Variants in CFAP92 observed in about 807,000 individuals in gnomAD.
CFAP92 encodes cilia and flagella associated protein 92 (putative), also known as uncharacterized protein CFAP92.
Under a neutral mutation model 106.3 loss-of-function variants are expected in CFAP92, and 86 were observed. That is an observed-to-expected ratio of 0.81 (90% CI 0.68 to 0.97). CFAP92 has a LOEUF of 0.97. Among genes scored for constraint, CFAP92 ranks in the 50% least tolerant of loss-of-function variants. The probability of loss-of-function intolerance (pLI) is 0.00; values close to 1 mark genes in which losing one functional copy is unlikely to be tolerated. For synonymous variants in CFAP92, 477 were observed against 506.4 expected (o/e 0.94, Z 0.78); for missense variants, 1,204 against 1,283.8 (o/e 0.94, Z 0.95).
rs534048821 is a variant in CFAP92 at position 128,942,398 on chromosome 3, A to G, written c.2258+2673T>C. Among the ~76,000 whole-genome samples the G allele has an allele frequency of 1.0e-3, 157 of 152,282 alleles. 2 individuals are homozygous for G. The highest frequency in any genetic ancestry group is 0.01 in the Middle Eastern group (3 of 294). Reference sequence around the variant, plus strand: ...CCCAGCCCTGGCGGCCACAGTTTCCAGGGGGCTCCACTGCACAGGTATGGC... The same window carrying G: ...CCCAGCCCTGGCGGCCACAGTTTCCGGGGGGCTCCACTGCACAGGTATGGC... On this transcript the variant is annotated intron_variant, in intron 10 of 15. Transcript: ENST00000645291.
At chr3:128,951,460 C>G (rs1940795960) in intron 9 of CFAP92, among the ~76,000 whole-genome samples, 1 of 151,998 alleles carries the variant, frequency 6.6e-6, no homozygotes, top group Non-Finnish European at 1.5e-5. Context: ...AATAGACACA[C>G]TTCTAGTTCT....
At chr3:128,989,664 A>G (rs1157606761) in intron 2 of CFAP92, among the ~76,000 whole-genome samples, 1 of 152,230 alleles carries the variant, frequency 6.6e-6, no homozygotes, top group Admixed American at 6.5e-5. Flanking sequence ...CATCATAAGA[A>G]GCTCCATAAA....
chr3:128,958,759 G>A (rs183195554), intron 9 of CFAP92, among the ~76,000 whole-genome samples: 56 of 152,202 alleles, frequency 3.7e-4, no homozygotes, highest in African/African-American at 1.3e-3. Flanking sequence ...AAACTAGCTG[G>A]GTGTGGTGGC....
intron 12 of CFAP92, among the ~76,000 whole-genome samples, chr3:128,931,002 T>A (rs1358426614): frequency 1.3e-5 from 2 of 151,966 alleles, no homozygotes; most frequent in African/African-American, 2.4e-5. Flanking sequence ...ACCTCCCAGA[T>A]TCAAGTGATT....
chr3:128,912,503 C>T, intron 15 of CFAP92: 1 of 1,613,030 alleles, frequency 6.2e-7, no homozygotes, highest in Non-Finnish European at 8.5e-7. Context: ...CTTTTCCTTC[C>T]CAGATGCTCC....
intron 9 of CFAP92, among the ~76,000 whole-genome samples, chr3:128,958,674 G>A (rs1197538045): frequency 6.6e-6 from 1 of 152,182 alleles, no homozygotes; most frequent in Non-Finnish European, 1.5e-5. Flanking sequence ...GCCACGGCAG[G>A]AGGATCACTT....
At chr3:128,925,298 A>G (rs555266593) in intron 12 of CFAP92, among the ~76,000 whole-genome samples, 54 of 152,260 alleles carry the variant, frequency 3.5e-4, no homozygotes, top group African/African-American at 1.3e-3. Context: ...TCAGTTCACA[A>G]TAGTATTCAT....
At chr3:128,962,667 T>C (rs535404832) in intron 9 of CFAP92, among the ~76,000 whole-genome samples, 5 of 152,138 alleles carry the variant, frequency 3.3e-5, no homozygotes, top group African/African-American at 9.6e-5. Context: ...AACCTAATCA[T>C]CCTTACCCCG....
At chr3:128,953,013 C>T (rs980149726) in intron 9 of CFAP92, among the ~76,000 whole-genome samples, 1 of 152,078 alleles carries the variant, frequency 6.6e-6, no homozygotes, top group African/African-American at 2.4e-5. Flanking sequence ...ACCCAGGATG[C>T]GGAGGTTGCA....
chr3:128,963,159 G>T (rs907112992), intron 9 of CFAP92, among the ~76,000 whole-genome samples: 2 of 152,140 alleles, frequency 1.3e-5, no homozygotes, highest in African/African-American at 4.8e-5. Flanking sequence ...AAACACATGT[G>T]CTCTCCCTGC....
At chr3:128,950,232 C>G (rs533221371) in intron 9 of CFAP92, among the ~76,000 whole-genome samples, 12 of 152,278 alleles carry the variant, frequency 7.9e-5, no homozygotes, top group African/African-American at 2.2e-4. Context: ...CCTGACCCCC[C>G]AGGCAGGGAA....
intron 9 of CFAP92, among the ~76,000 whole-genome samples, chr3:128,956,517 C>G (rs918133487): frequency 1.3e-5 from 2 of 151,966 alleles, no homozygotes; most frequent in Non-Finnish European, 2.9e-5. Context: ...CAAGACATGT[C>G]ATAGTCAAAC....
At chr3:128,965,732 C>G (rs149221258) in intron 8 of CFAP92, 37 bp from the exon 9 acceptor site, 2 of 398,194 alleles carry the variant, frequency 5.0e-6, no homozygotes, top group Non-Finnish European at 8.9e-6. Flanking sequence ...CCTTTCCTCC[C>G]GACACCCCCA....
chr3:128,931,362 C>T (rs1049928893), intron 12 of CFAP92, among the ~76,000 whole-genome samples: 22 of 150,432 alleles, frequency 1.5e-4, no homozygotes, highest in African/African-American at 4.4e-4. Context: ...GAGACGGTTT[C>T]GCCATGTTGC....
rs1559865886 is a variant in CFAP92 at position 128,932,851 on chromosome 3, GCAAA to G, written c.2596_2599del (p.Phe866ProfsTer22). ...ATTGGGGGCAGGCTGAGGTGGTAGG[GCAAA>G]CAGTTTCTCATCTGTGAGTTCTTCT... On this transcript the variant is annotated frameshift_variant, in exon 12 of 16. Coordinates refer to ENST00000645291, the MANE Select transcript of CFAP92 (RefSeq NM_001394090.1). LOFTEE classifies it high-confidence loss of function. 2.6e-6 allele frequency: 4 copies of G among 1,536,224 alleles called. No homozygotes were observed. The highest frequency in any genetic ancestry group is 3.5e-6 in the Non-Finnish European group (4 of 1,146,928).
At chr3:129,003,894 C>CGGCGGAGGCCCGCGCTG, upstream of CFAP92, 1 of 1,375,184 alleles carries the variant, frequency 7.3e-7, no homozygotes, top group Non-Finnish European at 9.4e-7. Context: ...GCCCTGGCTG[C>CGGCGGAGGCCCGCGCTG]GGCGGAGGCC....
chr3:129,004,542 C>A (rs1944985564), upstream of CFAP92, among the ~76,000 whole-genome samples: 1 of 150,258 alleles, frequency 6.7e-6, no homozygotes, highest in Non-Finnish European at 1.5e-5. Flanking sequence ...CCCCACCCAC[C>A]CAGCCAGCCA....
At chr3:129,004,015 G>T (rs1226218868), upstream of CFAP92, 1 of 1,507,420 alleles carries the variant, frequency 6.6e-7, no homozygotes, top group Non-Finnish European at 8.8e-7. Flanking sequence ...AGGCGCTGGC[G>T]CAACAGGTGC....
intron 2 of CFAP92, among the ~76,000 whole-genome samples, chr3:128,990,410 T>A (rs1944140576): frequency 6.6e-6 from 1 of 151,774 alleles, no homozygotes; most frequent in Admixed American, 6.6e-5. Flanking sequence ...GGCAGGAGAA[T>A]CGCTTGAACC....
Sources: gnomAD v4.1 joint callset for allele counts (sites outside exome capture counted in the v4.1 genomes callset) on GRCh38, gnomAD v4.1.1 for gene constraint, MANE v1.5 for transcripts, NCBI Gene and HGNC (gene_info 2026-07-23, HGNC 2026-07-21) for gene names.